SHCBP1L: variants seen among roughly 807,000 people sequenced by gnomAD.
SHCBP1L encodes testicular spindle-associated protein SHCBP1L.
Under a neutral mutation model 62.5 loss-of-function variants are expected in SHCBP1L, and 67 were observed. The observed-to-expected ratio is 1.07, with a 90% CI of 0.88 to 1.31. The LOEUF (loss-of-function observed/expected upper bound fraction) is 1.31. Among genes scored for constraint, SHCBP1L ranks in the 40% most tolerant of loss-of-function variants. The probability of loss-of-function intolerance (pLI) is 0.00; values close to 1 mark genes in which losing one functional copy is unlikely to be tolerated. For missense variants in SHCBP1L, 823 were observed against 809.8 expected (o/e 1.02, Z -0.20); for synonymous variants, 284 against 289.4 (o/e 0.98, Z 0.19).
In SHCBP1L at chr1:182,939,333, A is replaced by C. The variant is rs1651278659; in HGVS notation, c.919T>G (p.Leu307Val). The C allele has an allele frequency of 2.5e-6, 4 of 1,613,958 alleles. No homozygotes were observed. Among genetic ancestry groups the C allele is most frequent in the Non-Finnish European group, 1.7e-6 (2 of 1,179,946 alleles). Residue 307 changes from leucine to valine, a missense_variant, in exon 5 of 10, where the codon TTG becomes GTG. Physicochemically the swap from Leu to Val is conservative, Grantham distance 32. Coordinates refer to ENST00000367547, the MANE Select transcript of SHCBP1L (RefSeq NM_030933.4). ...GPIAQRFKKT[L>V]EKYKNKRVEL... ...ACACGTTTGTTTTTATATTTCTCCA[A>C]AGTTTTTTTAAAACGTTGTGCGATA...
At chr1:182,909,547 G>C (rs1226882512) in intron 6 of SHCBP1L, among the ~76,000 whole-genome samples, 2 of 152,186 alleles carry the variant, frequency 1.3e-5, no homozygotes, top group South Asian at 2.1e-4. Flanking sequence ...TGAACAACAT[G>C]GGTTTGAACT....
At chr1:182,929,602 C>T (rs762920303) in intron 6 of SHCBP1L, 45 bp downstream of exon 6, 4 of 1,310,194 alleles carry the variant, frequency 3.1e-6, no homozygotes, top group Non-Finnish European at 4.2e-6. Flanking sequence ...TCCGATTATA[C>T]ACAGCTAATA....
At chr1:182,917,100 A>G (rs1229685354) in intron 6 of SHCBP1L, among the ~76,000 whole-genome samples, 1 of 152,206 alleles carries the variant, frequency 6.6e-6, no homozygotes, top group Admixed American at 6.5e-5. Context: ...AAAATCTGTG[A>G]GAACACTTCC....
intron 6 of SHCBP1L, among the ~76,000 whole-genome samples, chr1:182,914,906 ATGCC>A (rs1650303877): frequency 6.6e-6 from 1 of 152,170 alleles, no homozygotes; most frequent in Admixed American, 6.6e-5. Context: ...GTGGTGGCTC[ATGCC>A]TGTAATCCCA....
intron 6 of SHCBP1L, among the ~76,000 whole-genome samples, chr1:182,905,930 T>G (rs1277414872): frequency 6.6e-6 from 1 of 152,176 alleles, no homozygotes; most frequent in African/African-American, 2.4e-5. Context: ...AACAGTTCCT[T>G]GACGTATTAT....
At chr1:182,940,621 G>T in intron 2 of SHCBP1L, 78 bp from the exon 3 acceptor site, 1 of 1,189,316 alleles carries the variant, frequency 8.4e-7, no homozygotes. Context: ...TCATATATGA[G>T]CTCATTATAA....
rs1436245585 is a variant in SHCBP1L at position 182,930,651 on chromosome 1, ATATG to A, written c.1077-903_1077-900del. Among the ~76,000 whole-genome samples, 331 of 49,954 alleles carry A rather than the reference ATATG, an allele frequency of 6.6e-3. 3 individuals are homozygous for A. The highest frequency in any genetic ancestry group is 0.01 in the Non-Finnish European group (284 of 27,128). 32.8% of individuals were successfully genotyped at this position (49,954 alleles called of 152,430 possible). A position where few individuals can be genotyped will look rare whatever the true frequency, so the allele number is the denominator to read the frequency against. ...TAAAGACAGGGTCTTGCCCTGGAGTATATGTGTGTGTGTGTGTGTGTGTGTGTGT... is the reference window on the plus strand; with the variant it reads ...TAAAGACAGGGTCTTGCCCTGGAGTATGTGTGTGTGTGTGTGTGTGTGTGT... On this transcript the variant is annotated intron_variant, in intron 5 of 9. Coordinates refer to ENST00000367547, the MANE Select transcript of SHCBP1L (RefSeq NM_030933.4).
Position 182,899,906 on chromosome 1 carries a change from A to T in SHCBP1L, c.*77T>A. ...TTTAATTAAGCTTTGAATTGAAACT[A>T]CCATTTCAGTGGGGTATGAGAATCA... On this transcript the variant is annotated 3_prime_UTR_variant, in exon 10 of 10. Transcript: ENST00000367547. 1 of 1,200,722 alleles carries T rather than the reference A, an allele frequency of 8.3e-7. No homozygotes were observed. Among genetic ancestry groups the T allele is most frequent in the Non-Finnish European group, 1.1e-6 (1 of 882,178 alleles). 74.4% of individuals were successfully genotyped at this position (1,200,722 alleles called of 1,614,324 possible).
In SHCBP1L at chr1:182,942,103, T is replaced by C; in HGVS notation, c.556-1560A>G. The C allele has an allele frequency of 4.5e-6, 4 of 892,134 alleles. No individual in the cohort carries two copies. The East Asian group carries it at 7.3e-5, about 16-fold the overall frequency. The allele number at this position is 892,134 out of a possible 1,614,324, so 55.3% of individuals were successfully genotyped here. On this transcript the variant is annotated intron_variant, in intron 2 of 9. Coordinates refer to ENST00000367547, the MANE Select transcript of SHCBP1L (RefSeq NM_030933.4). ...CACTGATAAGACATGGTATATGGTA[T>C]TAATCAGACTTGGCTTCTTTCTCTC... is the stretch of plus-strand genomic sequence containing the variant.
At chr1:182,908,577 A>C (rs144444420) in intron 6 of SHCBP1L, among the ~76,000 whole-genome samples, 1 of 152,314 alleles carries the variant, frequency 6.6e-6, no homozygotes, top group African/African-American at 2.4e-5. Flanking sequence ...ATCAAAGCCT[A>C]ACTTTTAACA....
Position 182,903,097 on chromosome 1 carries a change from C to T in SHCBP1L, c.1652G>A (p.Cys551Tyr). ...ACTGTTACTGGTTCTGAGGTTATTA[C>T]AGTGATGAATTTCATTTCTTTCCAA... ...AILERNEIHH[C>Y]NNLRTSNSSK... Residue 551 changes from cysteine to tyrosine, a missense_variant, in exon 9 of 10, where the codon TGT becomes TAT. Transcript: ENST00000367547. 2 of 1,601,216 alleles carry T rather than the reference C, an allele frequency of 1.2e-6. No individual in the cohort carries two copies. The highest frequency in any genetic ancestry group is 2.3e-5 in the South Asian group (2 of 88,884).
At chr1:182,903,344 A>C in intron 8 of SHCBP1L, among the ~76,000 whole-genome samples, 183 bp from the exon 9 acceptor site, 1 of 152,202 alleles carries the variant, frequency 6.6e-6, no homozygotes, top group East Asian at 1.9e-4. Flanking sequence ...GAAAATTTAA[A>C]TATCTGTTAG....
intron 6 of SHCBP1L, among the ~76,000 whole-genome samples, chr1:182,913,390 A>C (rs923355662): frequency 1.3e-5 from 2 of 152,160 alleles, no homozygotes; most frequent in Non-Finnish European, 2.9e-5. Context: ...TAGGACACCC[A>C]GTTGGGGTCT....
In SHCBP1L at chr1:182,940,596, C is replaced by T. The variant is rs530301340; in HGVS notation, c.556-53G>A. The T allele has an allele frequency of 1.5e-3, 2,139 of 1,470,298 alleles. 46 individuals carry two copies. The South Asian group carries it at 0.024, about 17-fold the overall frequency. The allele number at this position is 1,470,298 out of a possible 1,614,324, so 91.1% of individuals were successfully genotyped here. On this transcript the variant is annotated intron_variant, in intron 2 of 9. Coordinates refer to ENST00000367547, the MANE Select transcript of SHCBP1L (RefSeq NM_030933.4). ...GATATAGTTATAAATATCAGTAAACCGCAGGATTTCTTTCTCATATATGAG... is the reference window on the plus strand; with the variant it reads ...GATATAGTTATAAATATCAGTAAACTGCAGGATTTCTTTCTCATATATGAG...
In SHCBP1L at chr1:182,934,161, T is replaced by C. The variant is rs560483761; in HGVS notation, c.1077-4409A>G. Among the ~76,000 whole-genome samples, 4 of 152,246 alleles carry C rather than the reference T, an allele frequency of 2.6e-5. No individual in the cohort carries two copies. In the South Asian group the frequency reaches 8.3e-4, roughly 32 times the overall value. On this transcript the variant is annotated intron_variant, in intron 5 of 9. Transcript: ENST00000367547. ...AATCCTTTTTATTTCAGTGTAGGTTTTTATGTGGACCTAAGTTTTCAAATT... is the reference window on the plus strand; with the variant it reads ...AATCCTTTTTATTTCAGTGTAGGTTCTTATGTGGACCTAAGTTTTCAAATT...
At chr1:182,919,941 G>T (rs1650476359) in intron 6 of SHCBP1L, among the ~76,000 whole-genome samples, 1 of 151,978 alleles carries the variant, frequency 6.6e-6, no homozygotes, top group Non-Finnish European at 1.5e-5. Flanking sequence ...ACACATACAG[G>T]CAGACGTCAC....
intron 5 of SHCBP1L, among the ~76,000 whole-genome samples, chr1:182,930,687 G>GTATATATA (rs1650959450): frequency 1.3e-5 from 1 of 79,030 alleles, no homozygotes; most frequent in African/African-American, 7.7e-5. Flanking sequence ...GTGTGTGTGT[G>GTATATATA]TGTGTGTGTG....
At position 182,915,466 on chromosome 1, in the gene SHCBP1L, A is replaced by C. The variant is rs533010437; in HGVS notation, c.1183-9817T>G. 1.1e-4 allele frequency among the ~76,000 whole-genome samples: 16 copies of C among 152,310 alleles called. No homozygotes were observed. In the South Asian group the frequency reaches 3.3e-3, roughly 32 times the overall value. The stretch of plus-strand genomic sequence containing the variant: ...AGTAAAACATTCACAGAATTGAAGT[A>C]AGAAATAGTTTTATAATAATAGTTG... On this transcript the variant is annotated intron_variant, in intron 6 of 9. Transcript: ENST00000367547.
intron 6 of SHCBP1L, among the ~76,000 whole-genome samples, chr1:182,918,368 G>A (rs1650427507): frequency 6.6e-6 from 1 of 151,320 alleles, no homozygotes; most frequent in Non-Finnish European, 1.5e-5. Context: ...TATCACTAAT[G>A]AACAATCTGA....
Sources: allele counts gnomAD v4.1 joint callset (sites outside exome capture counted in the v4.1 genomes callset), GRCh38; gene constraint gnomAD v4.1.1; transcripts MANE v1.5; gene names NCBI Gene and HGNC (gene_info 2026-07-23, HGNC 2026-07-21).